The following KIF21A variants were observed in gnomAD, a reference collection of about 807,000 sequenced individuals.
KIF21A encodes the protein kinesin family member 21A, also known as kinesin-like protein KIF21A.
KIF21A carries 114 observed loss-of-function variants against 202.9 expected under a neutral mutation model. That is an observed-to-expected ratio of 0.56 (90% CI 0.48 to 0.66). KIF21A has a LOEUF of 0.66. Among genes scored for constraint, KIF21A ranks in the 30% least tolerant of loss-of-function variants. The pLI is 0.00. For synonymous variants in KIF21A, 667 were observed against 670.8 expected (o/e 0.99, Z 0.09); for missense variants, 1,677 against 1,994.9 (o/e 0.84, Z 3.04).
Position 39,342,319 on chromosome 12 carries a change from T to C in KIF21A, c.1713-195A>G, listed in dbSNP as rs576004981. 1.1e-4 allele frequency among the ~76,000 whole-genome samples: 16 copies of C among 152,278 alleles called. No homozygotes were observed. In the South Asian group the frequency reaches 3.1e-3, roughly 30 times the overall value. On this transcript the variant is annotated intron_variant, in intron 12 of 37. Coordinates refer to ENST00000361418, the MANE Select transcript of KIF21A (RefSeq NM_001173464.2). ...TGCCAATCAATCAACAGTGTAATGA[T>C]TTATATCACTGGAGAAAAGCTTATT...
intron 33 of KIF21A, among the ~76,000 whole-genome samples, chr12:39,308,603 C>CTA (rs1943705139): frequency 6.6e-6 from 1 of 151,994 alleles, no homozygotes; most frequent in Non-Finnish European, 1.5e-5. Context: ...GTATCTAAGG[C>CTA]CTTAAACATA....
chr12:39,367,194 C>G (rs368106390), intron 4 of KIF21A, 30 bp from the exon 5 acceptor site: 3 of 1,612,718 alleles, frequency 1.9e-6, no homozygotes, highest in Admixed American at 1.7e-5. Flanking sequence ...AAGGACTTTA[C>G]TTGAACAATA....
chr12:39,416,739 A>ATATATATGTACATATATGTGTG (rs1566268818), intron 1 of KIF21A, among the ~76,000 whole-genome samples: 6 of 78,772 alleles, frequency 7.6e-5, no homozygotes, highest in African/African-American at 5.0e-4. Flanking sequence ...ATATATGTGT[A>ATATATATGTACATATATGTGTG]TATATATATG....
intron 1 of KIF21A, among the ~76,000 whole-genome samples, chr12:39,440,831 T>A (rs181323636): frequency 6.6e-6 from 1 of 151,930 alleles, no homozygotes; most frequent in African/African-American, 2.4e-5. Context: ...CTGGGAAACA[T>A]AGGGAGGCCC....
At chr12:39,378,233 G>A (rs754420034) in intron 1 of KIF21A, among the ~76,000 whole-genome samples, 9 of 152,136 alleles carry the variant, frequency 5.9e-5, no homozygotes, top group Non-Finnish European at 1.3e-4. Flanking sequence ...TTTATCCCAC[G>A]GTTCATCTAA....
chr12:39,439,476 C>G (rs1439283419), intron 1 of KIF21A, among the ~76,000 whole-genome samples: 1 of 152,056 alleles, frequency 6.6e-6, no homozygotes, highest in Admixed American at 6.6e-5. Flanking sequence ...TCAATACGTA[C>G]ACTAAATTTT....
intron 7 of KIF21A, among the ~76,000 whole-genome samples, chr12:39,360,882 TTTTAAG>T (rs1466356071): frequency 2.0e-5 from 3 of 152,244 alleles, no homozygotes; most frequent in South Asian, 4.1e-4. Context: ...CTAATTTTTC[TTTTAAG>T]TTTAATTTGT....
intron 9 of KIF21A, 133 bp from the exon 10 acceptor site, chr12:39,357,028 T>C (rs1390547855): frequency 1.5e-6 from 1 of 658,880 alleles, no homozygotes; most frequent in South Asian, 1.9e-5. Context: ...CTACCCTTTA[T>C]TACATGAGCA....
chr12:39,335,319 G>C (rs1284457904), intron 17 of KIF21A, among the ~76,000 whole-genome samples: 1 of 151,578 alleles, frequency 6.6e-6, no homozygotes, highest in African/African-American at 2.4e-5. Flanking sequence ...GGCTGAGGCA[G>C]GAGAATGGCT....
chr12:39,360,005 A>G (rs1273950852), intron 7 of KIF21A, among the ~76,000 whole-genome samples: 2 of 152,140 alleles, frequency 1.3e-5, no homozygotes, highest in Non-Finnish European at 2.9e-5. Context: ...CACAAATTGG[A>G]AAGAAGGGAA....
At chr12:39,436,517 T>A (rs1938803980) in intron 1 of KIF21A, among the ~76,000 whole-genome samples, 1 of 143,514 alleles carries the variant, frequency 7.0e-6, no homozygotes, top group East Asian at 2.0e-4. Context: ...ACAGGAGTGA[T>A]CACAGCACAC....
At chr12:39,355,998 G>A (rs1007931355) in intron 10 of KIF21A, among the ~76,000 whole-genome samples, 13 of 152,034 alleles carry the variant, frequency 8.6e-5, no homozygotes, top group Admixed American at 3.9e-4. Flanking sequence ...ATCTCCTCCC[G>A]TTTGCTTATG....
chr12:39,332,475 C>CAGGG, intron 20 of KIF21A, 67 bp from the exon 21 acceptor site: 1 of 980,588 alleles, frequency 1.0e-6, no homozygotes, highest in Non-Finnish European at 1.5e-6. Context: ...ACCATCAAAC[C>CAGGG]CCCCCACCCC....
rs199607858 is a variant in KIF21A at position 39,300,110 on chromosome 12, T to TA, written c.4931+1369dup. On this transcript the variant is annotated intron_variant, in intron 37 of 37. Coordinates refer to ENST00000361418, the MANE Select transcript of KIF21A (RefSeq NM_001173464.2). ...TGTACCCCTGAACCTAAAATAAAAG[T>TA]AAAAAAAAAGAAAAATTTTAGCTCT... Among the ~76,000 whole-genome samples the TA allele has an allele frequency of 2.6e-3, 391 of 150,176 alleles. 1 individual carries two copies. Among genetic ancestry groups the TA allele is most frequent in the South Asian group, 0.012 (57 of 4,724 alleles).
At chr12:39,338,017 T>C (rs1187501302) in intron 16 of KIF21A, among the ~76,000 whole-genome samples, 1 of 152,050 alleles carries the variant, frequency 6.6e-6, no homozygotes, top group Non-Finnish European at 1.5e-5. Context: ...TTTGGACTTA[T>C]GAAAAAAAAA....
chr12:39,321,425 C>T (rs1346289440), intron 27 of KIF21A: 1 of 152,172 alleles, frequency 6.6e-6, no homozygotes, highest in Non-Finnish European at 1.5e-5. Flanking sequence ...AAATACCTAA[C>T]ACATTTAGTT....
chr12:39,325,224 C>A lies in KIF21A; in HGVS notation c.3456+615G>T, dbSNP rs1281407988. Among the ~76,000 whole-genome samples the A allele has an allele frequency of 2.6e-5, 4 of 152,022 alleles. No individual in the cohort carries two copies. In the East Asian group the frequency reaches 7.7e-4, roughly 29 times the overall value. On this transcript the variant is annotated intron_variant, in intron 26 of 37. Transcript: ENST00000361418. ...AAATGACTGAGATTGTATGCCACTA[C>A]AGAGTCTACAATTTAGTTAATCAGC...
intron 1 of KIF21A, among the ~76,000 whole-genome samples, chr12:39,422,980 T>G (rs1017697965): frequency 1.3e-5 from 2 of 152,224 alleles, no homozygotes; most frequent in Non-Finnish European, 2.9e-5. Context: ...ACTTCTCAAT[T>G]TCCTCATTCA....
At chr12:39,431,823 A>G (rs1272381741) in intron 1 of KIF21A, among the ~76,000 whole-genome samples, 1 of 152,250 alleles carries the variant, frequency 6.6e-6, no homozygotes, top group Non-Finnish European at 1.5e-5. Flanking sequence ...AGATAAGAAT[A>G]TTATCAAGGA....
Sources: allele counts gnomAD v4.1 joint callset (sites outside exome capture counted in the v4.1 genomes callset), GRCh38; gene constraint gnomAD v4.1.1; transcripts MANE v1.5; gene names NCBI Gene and HGNC (gene_info 2026-07-23, HGNC 2026-07-21).